The following LIMS1 variants were observed in gnomAD, a reference collection of about 807,000 sequenced individuals.
The protein encoded by LIMS1 is LIM and senescent cell antigen-like-containing domain protein 1.
LIMS1 carries 18 observed loss-of-function variants against 44.1 expected under a neutral mutation model. The observed-to-expected ratio is 0.41, with a 90% CI of 0.28 to 0.61. LIMS1 has a LOEUF of 0.61. Among genes scored for constraint, LIMS1 ranks in the 20% least tolerant of loss-of-function variants. The pLI is 0.32. For synonymous variants in LIMS1, 93 were observed against 149.1 expected, an observed-to-expected ratio of 0.62 and a Z score of 2.74; for missense variants, 201 against 422.0, an observed-to-expected ratio of 0.48 and a Z score of 4.59.
chr2:108,670,762 G>C lies in LIMS1; in HGVS notation c.193-19G>C. On this transcript the variant is annotated intron_variant, in intron 2 of 9. Coordinates refer to ENST00000544547, the Ensembl canonical transcript of LIMS1. ...GTGATTGTTTCGTGTTTGTAAGTTG[G>C]TGGTACCCTCTCTTTCAGTTTGAAG... is the stretch of plus-strand genomic sequence containing the variant. 1 of 1,611,882 alleles carries C rather than the reference G, an allele frequency of 6.2e-7. No homozygotes were observed. Among genetic ancestry groups the C allele is most frequent in the Non-Finnish European group, 8.5e-7 (1 of 1,179,834 alleles).
chr2:108,584,541 A>G (rs894042614), intron 1 of LIMS1, among the ~76,000 whole-genome samples: 3 of 152,040 alleles, frequency 2.0e-5, no homozygotes, highest in Non-Finnish European at 4.4e-5. Context: ...AAAGATGAGT[A>G]GGAATCTAGT....
chr2:108,605,378 A>G lies in LIMS1; in HGVS notation c.33-54227A>G, dbSNP rs116538566. On this transcript the variant is annotated intron_variant, in intron 1 of 9. Coordinates refer to ENST00000544547, the Ensembl canonical transcript of LIMS1. ...AGCATTCAAATATCATTTATTAAAT[A>G]TCTCTTCTACTTAAAATTAACCCAA... Among the ~76,000 whole-genome samples the G allele has an allele frequency of 8.0e-3, 1,218 of 152,318 alleles. 11 individuals are homozygous for G. Among genetic ancestry groups the G allele is most frequent in the Non-Finnish European group, 0.013 (918 of 68,028 alleles).
At chr2:108,573,135 C>G (rs1685541782) in intron 1 of LIMS1, among the ~76,000 whole-genome samples, 1 of 152,182 alleles carries the variant, frequency 6.6e-6, no homozygotes, top group Non-Finnish European at 1.5e-5. Flanking sequence ...AGTTGTTTCT[C>G]TTTATATTCA....
chr2:108,634,620 C>T (rs1233012003), intron 1 of LIMS1, among the ~76,000 whole-genome samples: 1 of 152,232 alleles, frequency 6.6e-6, no homozygotes, highest in Non-Finnish European at 1.5e-5. Context: ...CCACACACAT[C>T]AGTGTTAAGT....
At chr2:108,595,746 A>G (rs569743764) in intron 1 of LIMS1, among the ~76,000 whole-genome samples, 1 of 152,312 alleles carries the variant, frequency 6.6e-6, no homozygotes, top group South Asian at 2.1e-4. Flanking sequence ...AATGAAAAAC[A>G]TTAGAATTAG....
exon 10 of LIMS1, chr2:108,684,003 C>G (rs1326784375): frequency 6.9e-7 from 1 of 1,445,060 alleles, no homozygotes; most frequent in Non-Finnish European, 9.6e-7. Context: ...GAAATAAGTT[C>G]CTTTATTTTT....
rs1414643683 is a variant in LIMS1 at position 108,681,150 on chromosome 2, T to C, written c.899+380T>C. On this transcript the variant is annotated intron_variant, in intron 9 of 9. Transcript: ENST00000544547. ...ATCCCTGTGTCATCATTTTCACTGC[T>C]TTCTCCTTTGGTTAGTCCTTTGGAA... 5.4e-6 allele frequency: 7 copies of C among 1,289,178 alleles called. No individual in the cohort carries two copies. The African/African-American group carries it at 9.2e-5, about 17-fold the overall frequency. 79.9% of individuals were successfully genotyped at this position (1,289,178 alleles called of 1,614,324 possible).
intron 2 of LIMS1, among the ~76,000 whole-genome samples, chr2:108,667,570 A>ATACT: frequency 6.8e-6 from 1 of 147,868 alleles, no homozygotes; most frequent in African/African-American, 2.5e-5. Context: ...ATATATATAT[A>ATACT]CTGCTGGGCT....
chr2:108,649,585 A>G (rs1003794698), intron 1 of LIMS1, among the ~76,000 whole-genome samples: 1 of 152,248 alleles, frequency 6.6e-6, no homozygotes, highest in Admixed American at 6.5e-5. Context: ...ATGCCTATCA[A>G]TCATAGACTG....
intron 1 of LIMS1, among the ~76,000 whole-genome samples, chr2:108,565,684 G>T (rs1172666736): frequency 6.6e-6 from 1 of 152,158 alleles, no homozygotes; most frequent in Non-Finnish European, 1.5e-5. Context: ...CATTCCTGCT[G>T]CTATAACAAA....
At chr2:108,557,539 C>G (rs1027501065) in intron 1 of LIMS1, among the ~76,000 whole-genome samples, 2 of 150,684 alleles carry the variant, frequency 1.3e-5, no homozygotes. Context: ...TTTTGAGAGA[C>G]CTAGTCTTGC....
At chr2:108,546,655 C>T (rs1024511967) in intron 1 of LIMS1, among the ~76,000 whole-genome samples, 2 of 148,794 alleles carry the variant, frequency 1.3e-5, no homozygotes, top group East Asian at 2.0e-4. Flanking sequence ...CATTCTCTAG[C>T]GAGCCTGTCT....
intron 1 of LIMS1, among the ~76,000 whole-genome samples, chr2:108,556,065 T>C (rs1684916436): frequency 6.6e-6 from 1 of 152,192 alleles, no homozygotes; most frequent in South Asian, 2.1e-4. Context: ...TGACAGTAAC[T>C]TCACATTCAC....
intron 1 of LIMS1, among the ~76,000 whole-genome samples, chr2:108,594,516 G>A (rs1280837222): frequency 6.6e-6 from 1 of 152,108 alleles, no homozygotes; most frequent in Non-Finnish European, 1.5e-5. Context: ...TGGCCGACAG[G>A]AGATCGTTTG....
In LIMS1 at chr2:108,575,382, G is replaced by GT. The variant is rs940676062; in HGVS notation, c.32+40790dup. Among the ~76,000 whole-genome samples, 105 of 152,318 alleles carry GT rather than the reference G, an allele frequency of 6.9e-4. 1 individual carries two copies. Among genetic ancestry groups the GT allele is most frequent in the African/African-American group, 2.4e-3 (98 of 41,552 alleles). On this transcript the variant is annotated intron_variant, in intron 1 of 9. Transcript: ENST00000544547. ...TGGCTGTGAAACCTGAGTCCTCTCA[G>GT]TTAGCTGAAATAGTAGAGATTTGCT...
chr2:108,610,148 ATGTGTGTGTG>A (rs60571292), intron 1 of LIMS1, among the ~76,000 whole-genome samples: 3,952 of 143,342 alleles, frequency 0.028, 105 homozygotes, highest in South Asian at 0.13. Context: ...GTTACAAAAA[ATGTGTGTGTG>A]TGTGTGTGTG....
At chr2:108,588,315 T>G in intron 1 of LIMS1, 2 of 985,070 alleles carry the variant, frequency 2.0e-6, no homozygotes. Flanking sequence ...CAAATATAGT[T>G]CAAGACAACA....
At chr2:108,551,644 ATG>A (rs1312111509) in intron 1 of LIMS1, among the ~76,000 whole-genome samples, 1 of 142,084 alleles carries the variant, frequency 7.0e-6, no homozygotes, top group African/African-American at 2.7e-5. Flanking sequence ...ATATGTATAT[ATG>A]TGTATATATA....
intron 2 of LIMS1, among the ~76,000 whole-genome samples, chr2:108,667,551 A>AAAAAAAAAT (rs765279788): frequency 2.3e-5 from 3 of 130,484 alleles, no homozygotes; most frequent in Non-Finnish European, 4.9e-5. Context: ...AAAAAAAAAA[A>AAAAAAAAAT]ATATATATAT....
Sources: gnomAD v4.1 joint callset for allele counts (sites outside exome capture counted in the v4.1 genomes callset) on GRCh38, gnomAD v4.1.1 for gene constraint, MANE v1.5 for transcripts, NCBI Gene and HGNC (gene_info 2026-07-23, HGNC 2026-07-21) for gene names.